Variants in ATP9B observed in about 807,000 individuals in gnomAD.
ATP9B encodes the protein ATPase phospholipid transporting 9B.
ATP9B carries 110 observed loss-of-function variants against 146.1 expected under a neutral mutation model. The ratio of observed to expected loss-of-function variants is 0.75; its 90% confidence interval spans 0.65 to 0.88. ATP9B has a LOEUF of 0.88. Among genes scored for constraint, ATP9B ranks in the 40% least tolerant of loss-of-function variants. The pLI is 0.00. For missense variants in ATP9B, 1,499 were observed against 1,496.4 expected (o/e 1.00, Z -0.03); for synonymous variants, 604 against 569.7 (o/e 1.06, Z -0.86).
intron 8 of ATP9B, among the ~76,000 whole-genome samples, chr18:79,180,975 G>GTTTT (rs199971384): frequency 7.1e-6 from 1 of 140,686 alleles, no homozygotes; most frequent in Non-Finnish European, 1.6e-5. Flanking sequence ...TTGTTTTTTT[G>GTTTT]TTTTTTTTTT....
intron 12 of ATP9B, among the ~76,000 whole-genome samples, chr18:79,271,765 G>T (rs1382626544): frequency 6.6e-6 from 1 of 152,088 alleles, no homozygotes; most frequent in Non-Finnish European, 1.5e-5. Flanking sequence ...GTAATGGGAT[G>T]GCTGGGTCAA....
intron 6 of ATP9B, among the ~76,000 whole-genome samples, chr18:79,147,687 A>G (rs2147511841): frequency 6.6e-6 from 1 of 152,156 alleles, no homozygotes; most frequent in Non-Finnish European, 1.5e-5. Flanking sequence ...GCTGGGAGGA[A>G]TTCTGTAGCA....
intron 13 of ATP9B, among the ~76,000 whole-genome samples, chr18:79,302,369 G>A (rs1384570011): frequency 4.0e-5 from 6 of 150,758 alleles, no homozygotes; most frequent in Non-Finnish European, 8.9e-5. Flanking sequence ...ACCACGCGTG[G>A]CACCACGTTG....
chr18:79,148,480 A>G (rs1338761441), intron 6 of ATP9B, among the ~76,000 whole-genome samples: 2 of 152,238 alleles, frequency 1.3e-5, no homozygotes, highest in East Asian at 3.8e-4. Flanking sequence ...TACGCTATCA[A>G]CAGAATAAAG....
intron 13 of ATP9B, among the ~76,000 whole-genome samples, chr18:79,285,627 T>A (rs1455453495): frequency 6.6e-6 from 1 of 152,158 alleles, no homozygotes; most frequent in Non-Finnish European, 1.5e-5. Flanking sequence ...TTTAATTAGA[T>A]CCCATTTGTC....
chr18:79,230,070 T>C (rs935541525), intron 11 of ATP9B, among the ~76,000 whole-genome samples: 6 of 152,152 alleles, frequency 3.9e-5, no homozygotes, highest in African/African-American at 1.2e-4. Context: ...GTGCTAAGAC[T>C]GAATAAAGTG....
At position 79,174,927 on chromosome 18, in the gene ATP9B, G is replaced by A. The variant is rs1403966518; in HGVS notation, c.779-1886G>A. On this transcript the variant is annotated intron_variant, in intron 7 of 29. Transcript: ENST00000426216. ...TGTAAAGTTCTTCATCAGGCCAGGC[G>A]TGGTGGCTCACACCTGTAATCCCAG... Among the ~76,000 whole-genome samples, 11 of 152,222 alleles carry A rather than the reference G, an allele frequency of 7.2e-5. No homozygotes were observed. In the East Asian group the frequency reaches 1.7e-3, roughly 24 times the overall value.
At chr18:79,136,743 G>A (rs938964644) in intron 5 of ATP9B, among the ~76,000 whole-genome samples, 3 of 151,916 alleles carry the variant, frequency 2.0e-5, no homozygotes, top group African/African-American at 7.3e-5. Context: ...CTGTTCTCAC[G>A]CTGCTAATAA....
chr18:79,360,675 A>C (rs1368363634), intron 26 of ATP9B: 1 of 152,230 alleles, frequency 6.6e-6, no homozygotes, highest in Non-Finnish European at 1.5e-5. Flanking sequence ...TGAAATAAAG[A>C]CTTTAAAGTT....
At chr18:79,192,296 C>A (rs982381462) in intron 8 of ATP9B, among the ~76,000 whole-genome samples, 1 of 151,930 alleles carries the variant, frequency 6.6e-6, no homozygotes, top group African/African-American at 2.4e-5. Flanking sequence ...GAATGGAAAT[C>A]AAAATTATAG....
chr18:79,161,853 AAG>A (rs886642469), intron 7 of ATP9B, among the ~76,000 whole-genome samples: 4 of 152,202 alleles, frequency 2.6e-5, no homozygotes, highest in Non-Finnish European at 5.9e-5. Context: ...CTCAAAAAAA[AAG>A]AAGTCAGATT....
chr18:79,096,478 A>T lies in ATP9B; in HGVS notation c.122A>T (p.Tyr41Phe). Residue 41 changes from tyrosine to phenylalanine, a missense_variant and splice_region_variant, in exon 2 of 30, where the codon TAC becomes TTC. Tyr to Phe is a conservative substitution (Grantham distance 22). Coordinates refer to ENST00000426216, the MANE Select transcript of ATP9B (RefSeq NM_198531.5). ...CACTCCATTTTTACCCTAACTAGGT[A>T]CCAGCTGGAGGATGAGTCTGCGCAT... ...PRPGADRHSRYQLEDESAHLD... is the reference protein window; with the variant it reads ...PRPGADRHSRFQLEDESAHLD... 4 of 1,503,772 alleles carry T rather than the reference A, an allele frequency of 2.7e-6. No homozygotes were observed. Among genetic ancestry groups the T allele is most frequent in the Non-Finnish European group, 3.7e-6 (4 of 1,087,332 alleles). The allele number at this position is 1,503,772 out of a possible 1,614,324, so 93.2% of individuals were successfully genotyped here.
At position 79,345,804 on chromosome 18, in the gene ATP9B, C is replaced by G; in HGVS notation, c.2647C>G (p.Gln883Glu). 1.2e-6 allele frequency: 2 copies of G among 1,614,244 alleles called. No homozygotes were observed. The highest frequency in any genetic ancestry group is 1.7e-6 in the Non-Finnish European group (2 of 1,180,044). The stretch of plus-strand genomic sequence containing the variant: ...TGGAGGAAATGATGTCAGCATGATT[C>G]AGGCAGCAGACTGTGGGATTGGGAT... ...GDGGNDVSMIQAADCGIGIEG... is the reference protein window; with the variant it reads ...GDGGNDVSMIEAADCGIGIEG... Residue 883 changes from glutamine to glutamate, a missense_variant, in exon 23 of 30, where the codon CAG (glutamine) becomes GAG (glutamate). Gln to Glu is a conservative substitution (Grantham distance 29). Coordinates refer to ENST00000426216, the MANE Select transcript of ATP9B (RefSeq NM_198531.5).
chr18:79,105,914 T>C (rs1251285698), intron 2 of ATP9B, among the ~76,000 whole-genome samples: 1 of 152,188 alleles, frequency 6.6e-6, no homozygotes, highest in Non-Finnish European at 1.5e-5. Context: ...AGGTATCTAT[T>C]GGATGTAATA....
At chr18:79,333,594 C>T (rs2096803360) in intron 17 of ATP9B, among the ~76,000 whole-genome samples, 1 of 152,134 alleles carries the variant, frequency 6.6e-6, no homozygotes, top group African/African-American at 2.4e-5. Context: ...GAGCTTTATT[C>T]TCCTTGGAGG....
chr18:79,174,822 G>C (rs1212271570), intron 7 of ATP9B, among the ~76,000 whole-genome samples: 1 of 151,996 alleles, frequency 6.6e-6, no homozygotes, highest in Admixed American at 6.6e-5. Context: ...GTATAGTCCT[G>C]TTTCTAACTC....
chr18:79,170,364 C>T (rs1308005466), intron 7 of ATP9B, among the ~76,000 whole-genome samples: 1 of 152,204 alleles, frequency 6.6e-6, no homozygotes, highest in South Asian at 2.1e-4. Flanking sequence ...GAGTCTCCTC[C>T]TCTGTAGGTG....
rs377534763 is a variant in ATP9B at position 79,279,146 on chromosome 18, A to T, written c.1411+1950A>T. Among the ~76,000 whole-genome samples the T allele has an allele frequency of 9.8e-5, 15 of 152,312 alleles. No individual in the cohort carries two copies. In the East Asian group the frequency reaches 2.3e-3, roughly 24 times the overall value. ...AGCAGGTGACCACCAGGATTTGCTC[A>T]TGTGCCCCCTGCGAGGGCTGCTTTC... On this transcript the variant is annotated intron_variant, in intron 13 of 29. Coordinates refer to ENST00000426216, the MANE Select transcript of ATP9B (RefSeq NM_198531.5).
chr18:79,230,880 T>C (rs1007828865), intron 11 of ATP9B, among the ~76,000 whole-genome samples: 2 of 152,198 alleles, frequency 1.3e-5, no homozygotes, highest in Non-Finnish European at 2.9e-5. Context: ...AGTCAACTGA[T>C]ATACAACAAC....
Sources: gnomAD v4.1 joint callset for allele counts (sites outside exome capture counted in the v4.1 genomes callset) on GRCh38, gnomAD v4.1.1 for gene constraint, MANE v1.5 for transcripts, NCBI Gene and HGNC (gene_info 2026-07-23, HGNC 2026-07-21) for gene names.